Variants in REG1B observed in about 807,000 individuals in gnomAD.
REG1B encodes the protein lithostathine-1-beta.
In REG1B, 21 loss-of-function variants were observed where a neutral mutation model predicts 20.4. The observed-to-expected ratio is 1.03, with a 90% CI of 0.73 to 1.48. The LOEUF (loss-of-function observed/expected upper bound fraction) is 1.48. Ranked by LOEUF, REG1B falls within the 40% of genes most tolerant of loss-of-function variation. REG1B has a pLI of 0.00. For missense variants in REG1B, 247 were observed against 197.2 expected (o/e 1.25, Z -1.51); for synonymous variants, 82 against 73.4 (o/e 1.12, Z -0.60).
rs771205141 is a variant in REG1B, at chr2:79,085,544, T to A, written c.381A>T (p.Gly127=). The stretch of plus-strand genomic sequence containing the variant: ...AGCCAGCATTAGCACTGCTCGGGGA[T>A]CCAGTGTCCCAGGACTTGTAGGAGA... ...SLVSYKSWDT[G]SPSSANAGYC... is the part of the protein sequence containing the mutation. The change falls in exon 5 of 6, where the codon GGA becomes GGT. Residue 127 remains glycine (G), a synonymous_variant. Coordinates refer to ENST00000305089, the MANE Select transcript of REG1B (RefSeq NM_006507.4). The A allele has an allele frequency of 6.2e-6, 10 of 1,613,818 alleles. No individual in the cohort carries two copies. The South Asian group carries it at 1.1e-4, about 18-fold the overall frequency.
intron 3 of REG1B, 93 bp from the exon 4 acceptor site, chr2:79,086,597 A>G: frequency 6.6e-7 from 1 of 1,511,482 alleles, no homozygotes; most frequent in Non-Finnish European, 9.1e-7. Flanking sequence ...AAAGGACAGC[A>G]CAGAAATGTC....
At position 79,085,048 on chromosome 2, in the gene REG1B, T is replaced by C. The variant is rs111923100; in HGVS notation, c.*168A>G. The stretch of plus-strand genomic sequence containing the variant: ...CACTGGATAAAAATAAGTTTGTTTT[T>C]ATTTTTCAGGGCTCTAGAGACTGAG... On this transcript the variant is annotated 3_prime_UTR_variant, in exon 6 of 6. Coordinates refer to ENST00000305089, the MANE Select transcript of REG1B (RefSeq NM_006507.4). The C allele has an allele frequency of 1.7e-3, 1,042 of 608,518 alleles. 13 individuals carry two copies. In the African/African-American group the frequency reaches 0.018, roughly 10 times the overall value. 37.7% of individuals were successfully genotyped at this position (608,518 alleles called of 1,614,324 possible). A position where few individuals can be genotyped will look rare whatever the true frequency, so the allele number is the denominator to read the frequency against.
chr2:79,087,385 A>C, intron 2 of REG1B, 164 bp downstream of exon 2: 2 of 661,330 alleles, frequency 3.0e-6, no homozygotes, highest in Non-Finnish European at 5.3e-6. Context: ...CCCATGAATG[A>C]GGTGAGGGTG....
At chr2:79,085,313 G>A (rs1157126246) in intron 5 of REG1B, 30 bp from the exon 6 acceptor site, 2 of 1,552,632 alleles carry the variant, frequency 1.3e-6, no homozygotes, top group Admixed American at 3.3e-5. Context: ...GTCAGACATA[G>A]AGGATCAGAA....
chr2:79,085,293 A>T lies in REG1B; in HGVS notation c.434-10T>A. 6.3e-7 allele frequency: 1 copy of T among 1,597,532 alleles called. No individual in the cohort carries two copies. Among genetic ancestry groups the T allele is most frequent in the Non-Finnish European group, 8.6e-7 (1 of 1,165,000 alleles). On this transcript the variant is annotated splice_polypyrimidine_tract_variant and intron_variant, in intron 5 of 5. Coordinates refer to ENST00000305089, the MANE Select transcript of REG1B (RefSeq NM_006507.4). ...TTCCATTTCTTGAATCCTATGGTAC[A>T]ATGAGAAGTGTCAGACATAGAGGAT... is the stretch of plus-strand genomic sequence containing the variant.
intron 2 of REG1B, chr2:79,087,146 GA>G: frequency 1.8e-6 from 1 of 569,056 alleles, no homozygotes; most frequent in South Asian, 2.2e-5. Flanking sequence ...CTAAATAAAT[GA>G]GTCCTCGTTT....
chr2:79,085,821 C>G, intron 4 of REG1B: 1 of 387,344 alleles, frequency 2.6e-6, no homozygotes, highest in East Asian at 4.8e-5. Flanking sequence ...AATAAGTGTT[C>G]AGAATTTGAT....
intron 3 of REG1B, 95 bp from the exon 4 acceptor site, chr2:79,086,599 A>G: frequency 1.3e-6 from 2 of 1,495,516 alleles, no homozygotes; most frequent in Admixed American, 3.4e-5. Flanking sequence ...AGGACAGCAC[A>G]GAAATGTCCC....
At chr2:79,087,252 G>A in intron 2 of REG1B, 1 of 536,810 alleles carries the variant, frequency 1.9e-6, no homozygotes. Flanking sequence ...GTTTGCCTTA[G>A]CTCTCCATCC....
In REG1B at chr2:79,086,443, G is replaced by T. The variant is rs1410156247; in HGVS notation, c.245C>A (p.Ala82Asp). ...LVSVLTQAEG[A>D]FVASLIKESS... ...CTCCTTAATCAGTGAGGCCACGAAG[G>T]CACCCTCCGCCTGGGTGAGCACAGA... The change falls in exon 4 of 6, where the codon GCC becomes GAC. Residue 82 changes from alanine to aspartate, a missense_variant. By Grantham distance (126) the Ala-to-Asp change is moderately radical. Coordinates refer to ENST00000305089, the MANE Select transcript of REG1B (RefSeq NM_006507.4). 2 of 1,613,980 alleles carry T rather than the reference G, an allele frequency of 1.2e-6. No homozygotes were observed. The highest frequency in any genetic ancestry group is 1.7e-5 in the Admixed American group (1 of 59,982).
Position 79,086,356 on chromosome 2 carries a change from T to A in REG1B, c.321+11A>T. The A allele has an allele frequency of 6.2e-7, 1 of 1,613,978 alleles. No homozygotes were observed. Among genetic ancestry groups the A allele is most frequent in the Non-Finnish European group, 8.5e-7 (1 of 1,179,884 alleles). ...ATGTTTATAAGGAGATAGAGGTGGC[T>A]GCAGACTGACCTTTTTTGGGTCATG... On this transcript the variant is annotated intron_variant, in intron 4 of 5. Coordinates refer to ENST00000305089, the MANE Select transcript of REG1B (RefSeq NM_006507.4).
chr2:79,086,363 T>A lies in REG1B; in HGVS notation c.321+4A>T. ...TAAGGAGATAGAGGTGGCTGCAGAC[T>A]GACCTTTTTTGGGTCATGGAGGCCA... is the stretch of plus-strand genomic sequence containing the variant. On this transcript the variant is annotated splice_donor_region_variant and intron_variant, in intron 4 of 5. Transcript: ENST00000305089. The A allele has an allele frequency of 6.2e-7, 1 of 1,614,022 alleles. No homozygotes were observed. The highest frequency in any genetic ancestry group is 8.5e-7 in the Non-Finnish European group (1 of 1,179,920).
intron 3 of REG1B, 55 bp from the exon 4 acceptor site, chr2:79,086,559 C>T (rs1402081725): frequency 7.5e-6 from 12 of 1,597,676 alleles, no homozygotes; most frequent in South Asian, 2.2e-5. Context: ...GAGGGATATA[C>T]TGAGACCTTC....
chr2:79,087,784 A>C, intron 1 of REG1B, 126 bp from the exon 2 acceptor site: 1 of 561,260 alleles, frequency 1.8e-6, no homozygotes, highest in East Asian at 3.1e-5. Context: ...ACTCCCAGAT[A>C]TTTCTCTTTT....
chr2:79,086,625 T>C, intron 3 of REG1B, 121 bp from the exon 4 acceptor site: 1 of 1,389,374 alleles, frequency 7.2e-7, no homozygotes, highest in Non-Finnish European at 1.0e-6. Context: ...ATGCTGTCAC[T>C]GACCACCAGC....
rs188941863 is a variant in REG1B, at chr2:79,085,129, G to A, written c.*87C>T. The A allele has an allele frequency of 3.3e-6, 3 of 922,594 alleles. No individual in the cohort carries two copies. Among genetic ancestry groups the A allele is most frequent in the Non-Finnish European group, 5.4e-6 (3 of 559,764 alleles). 57.2% of individuals were successfully genotyped at this position (922,594 alleles called of 1,614,324 possible). ...AAACTCATTAGGGAGGAGATGGTCT[G>A]AACTGAGTTGGAGACATAGTCTAGT... On this transcript the variant is annotated 3_prime_UTR_variant, in exon 6 of 6. Transcript: ENST00000305089.
rs748980173 is a variant in REG1B, at chr2:79,085,594, A to G, written c.331T>C (p.Trp111Arg). 5 of 1,612,222 alleles carry G rather than the reference A, an allele frequency of 3.1e-6. No individual in the cohort carries two copies. Among genetic ancestry groups the G allele is most frequent in the Non-Finnish European group, 3.4e-6 (4 of 1,179,050 alleles). Residue 111 changes from tryptophan to arginine, a missense_variant, in exon 5 of 6, where the codon TGG becomes CGG. Trp to Arg is a moderately radical substitution (Grantham distance 101, BLOSUM62 -3). Coordinates refer to ENST00000305089, the MANE Select transcript of REG1B (RefSeq NM_006507.4). The part of the protein sequence containing the change: ...GLHDPKKNRR[W>R]HWSSGSLVSY... ...ACCAGGGACCCACTACTCCAGTGCC[A>G]GCGGCGGTTCTAGATGGAGAAGGGC...
Position 79,085,039 on chromosome 2 carries a change from G to C in REG1B, c.*177C>G. On this transcript the variant is annotated 3_prime_UTR_variant, in exon 6 of 6. Transcript: ENST00000305089. ...AAGACAGAACACTGGATAAAAATAA[G>C]TTTGTTTTTATTTTTCAGGGCTCTA... is the stretch of plus-strand genomic sequence containing the variant. 1.7e-6 allele frequency: 1 copy of C among 600,302 alleles called. No individual in the cohort carries two copies. The allele number at this position is 600,302 out of a possible 1,614,324, so 37.2% of individuals were successfully genotyped here.
intron 4 of REG1B, 44 bp from the exon 5 acceptor site, chr2:79,085,647 A>G (rs774817142): frequency 7.8e-7 from 1 of 1,288,160 alleles, no homozygotes. Context: ...TCACTCAAAA[A>G]TCAATAGAAT....
Sources: allele counts gnomAD v4.1 joint callset, GRCh38; gene constraint gnomAD v4.1.1; transcripts MANE v1.5; gene names NCBI Gene and HGNC (gene_info 2026-07-23, HGNC 2026-07-21).